Variants in PKP1 observed in about 807,000 individuals in gnomAD.
The protein encoded by PKP1 is plakophilin-1.
Under a neutral mutation model 76.4 loss-of-function variants are expected in PKP1, and 27 were observed. The observed-to-expected ratio is 0.35, with a 90% CI of 0.26 to 0.49. The LOEUF (loss-of-function observed/expected upper bound fraction) is 0.49, where lower values mean the gene tolerates loss of function less well. Among genes scored for constraint, PKP1 ranks in the 20% least tolerant of loss-of-function variants. The probability of loss-of-function intolerance (pLI) is 0.99; values close to 1 mark genes in which losing one functional copy is unlikely to be tolerated. For synonymous variants in PKP1, 404 were observed against 384.2 expected, an observed-to-expected ratio of 1.05 and a Z score of -0.60; for missense variants, 964 against 955.2, an observed-to-expected ratio of 1.01 and a Z score of -0.12.
chr1:201,317,611 C>A lies in PKP1; in HGVS notation c.886C>A (p.Leu296Ile). The A allele has an allele frequency of 6.2e-7, 1 of 1,614,072 alleles. No individual in the cohort carries two copies. ...LGGICKLVDL[L>I]RSPNQNVQQA... Reference sequence around the variant, plus strand: ...AGGCATCTGCAAGCTGGTGGACCTCCTCCGCAGCCCCAACCAGAACGTCCA... The same window carrying A: ...AGGCATCTGCAAGCTGGTGGACCTCATCCGCAGCCCCAACCAGAACGTCCA... The change falls in exon 5 of 14, where the codon CTC (leucine) becomes ATC (isoleucine). Residue 296 changes from leucine (L) to isoleucine (I), a missense_variant. Transcript: ENST00000367324.
In PKP1 at chr1:201,325,833, A is replaced by C. The variant is rs1013057934; in HGVS notation, c.2101A>C (p.Arg701=). 1.1e-5 allele frequency: 17 copies of C among 1,611,688 alleles called. No homozygotes were observed. The highest frequency in any genetic ancestry group is 1.4e-5 in the Non-Finnish European group (17 of 1,177,996). ...WSSKELQGVL[R]QQGFDRNMLG... is the part of the protein sequence containing the mutation. ...CAGCAAGGAACTGCAGGGTGTCCTCAGACAGGTAAGAGCCCAGGACATCAT... is the reference window on the plus strand; with the variant it reads ...CAGCAAGGAACTGCAGGGTGTCCTCCGACAGGTAAGAGCCCAGGACATCAT... Residue 701 remains arginine, a synonymous_variant, in exon 12 of 14, where the codon AGA becomes CGA. Transcript: ENST00000367324.
chr1:201,316,291 T>A lies in PKP1; in HGVS notation c.702-262T>A, dbSNP rs892897631. 4 of 487,330 alleles carry A rather than the reference T, an allele frequency of 8.2e-6. No homozygotes were observed. The East Asian group carries it at 1.4e-4, about 16-fold the overall frequency. 30.2% of individuals were successfully genotyped at this position (487,330 alleles called of 1,614,324 possible). On this transcript the variant is annotated intron_variant, in intron 3 of 13. Transcript: ENST00000367324. ...GAGGAGTTTTTCCTCAGTGGAGAGA[T>A]AACATACCTGCTAGGACATTAACTG...
chr1:201,312,409 C>T (rs1420231023), intron 2 of PKP1, among the ~76,000 whole-genome samples: 4 of 152,146 alleles, frequency 2.6e-5, no homozygotes, highest in Non-Finnish European at 5.9e-5. Context: ...AGACTCAAGT[C>T]CAGGTTTTGT....
chr1:201,307,209 C>G (rs1656396683), intron 2 of PKP1, among the ~76,000 whole-genome samples: 1 of 152,146 alleles, frequency 6.6e-6, no homozygotes. Flanking sequence ...GAGGCACACC[C>G]ACCACACTTC....
intron 2 of PKP1, among the ~76,000 whole-genome samples, chr1:201,294,450 AG>A (rs1558183739): frequency 6.6e-6 from 1 of 152,196 alleles, no homozygotes. Context: ...CAAAGAGCCA[AG>A]AGAACATGTC....
intron 2 of PKP1, among the ~76,000 whole-genome samples, 168 bp downstream of exon 2, chr1:201,294,213 T>C (rs944869661): frequency 1.3e-5 from 2 of 152,254 alleles, no homozygotes; most frequent in South Asian, 4.1e-4. Flanking sequence ...CATTGTTTCA[T>C]AGGTGGCTCT....
intron 2 of PKP1, among the ~76,000 whole-genome samples, chr1:201,303,756 T>A (rs1156719388): frequency 6.6e-6 from 1 of 152,210 alleles, no homozygotes; most frequent in Admixed American, 6.5e-5. Context: ...ATGTTAGATA[T>A]TGCTGTGTCC....
chr1:201,320,507 G>A, intron 7 of PKP1, 126 bp downstream of exon 7: 2 of 722,016 alleles, frequency 2.8e-6, no homozygotes, highest in South Asian at 1.5e-5. Flanking sequence ...AGAGGCATCT[G>A]GATGCAGGGC....
chr1:201,292,098 T>C (rs1200919604), intron 1 of PKP1, among the ~76,000 whole-genome samples: 2 of 151,748 alleles, frequency 1.3e-5, no homozygotes, highest in East Asian at 1.9e-4. Context: ...AGGCCTGGAG[T>C]ATAGGGGAGG....
chr1:201,309,244 T>C (rs1382619606), intron 2 of PKP1, among the ~76,000 whole-genome samples: 1 of 151,674 alleles, frequency 6.6e-6, no homozygotes, highest in East Asian at 1.9e-4. Context: ...AGAGGGGAGC[T>C]TTCAGTGTGG....
chr1:201,325,770 G>A lies in PKP1; in HGVS notation c.2038G>A (p.Ala680Thr), dbSNP rs553668177. Residue 680 changes from alanine to threonine, a missense_variant, in exon 12 of 14, where the codon GCA (alanine) becomes ACA (threonine). By Grantham distance (58) the Ala-to-Thr change is moderately conservative. Coordinates refer to ENST00000367324, the MANE Select transcript of PKP1 (RefSeq NM_001005337.3). ...CCTGCCCAGTGCCTCACCCAAGGCC[G>A]CAGAAGCTGCCCGGCTTCTCCTGTC... is the stretch of plus-strand genomic sequence containing the variant. ...LCRSSASPKA[A>T]EAARLLLSDM... 8.4e-5 allele frequency: 135 copies of A among 1,613,848 alleles called. 1 individual carries two copies. In the South Asian group the frequency reaches 1.2e-3, roughly 15 times the overall value.
chr1:201,324,619 A>C (rs1343063842), intron 10 of PKP1, 38 bp downstream of exon 10: 1 of 1,609,906 alleles, frequency 6.2e-7, no homozygotes, highest in Non-Finnish European at 8.5e-7. Flanking sequence ...TAGCTAAGAC[A>C]TGGCAGGCTC....
In PKP1 at chr1:201,316,849, A is replaced by G. The variant is rs1041110128; in HGVS notation, c.846+152A>G. The G allele has an allele frequency of 6.3e-6, 5 of 789,036 alleles. No individual in the cohort carries two copies. The African/African-American group carries it at 6.8e-5, about 11-fold the overall frequency. 48.9% of individuals were successfully genotyped at this position (789,036 alleles called of 1,614,324 possible). On this transcript the variant is annotated intron_variant, in intron 4 of 13. Coordinates refer to ENST00000367324, the MANE Select transcript of PKP1 (RefSeq NM_001005337.3). ...GAGCCTTCGCATTGCCCAAGGTTAGAGCTGGGCATCTTAACTTTCTGCAGA... is the reference window on the plus strand; with the variant it reads ...GAGCCTTCGCATTGCCCAAGGTTAGGGCTGGGCATCTTAACTTTCTGCAGA...
At chr1:201,285,654 A>T (rs1655710421) in intron 1 of PKP1, among the ~76,000 whole-genome samples, 1 of 152,050 alleles carries the variant, frequency 6.6e-6, no homozygotes, top group African/African-American at 2.4e-5. Flanking sequence ...CTCCCACTCC[A>T]TCCCAGCCTG....
At chr1:201,291,933 G>A (rs1655926156) in intron 1 of PKP1, among the ~76,000 whole-genome samples, 2 of 152,218 alleles carry the variant, frequency 1.3e-5, no homozygotes, top group Admixed American at 1.3e-4. Flanking sequence ...TCCTGATAAG[G>A]ACAGTCTTGC....
chr1:201,320,367 C>T lies in PKP1; in HGVS notation c.1333C>T (p.Arg445Cys), dbSNP rs74136386. Residue 445 changes from arginine (R) to cysteine (C), a missense_variant, in exon 7 of 14, where the codon CGC becomes TGC. Coordinates refer to ENST00000367324, the MANE Select transcript of PKP1 (RefSeq NM_001005337.3). The part of the protein sequence containing the change: ...AYVQNCVAAS[R>C]CDDKSVENCM... ...TGTCCAGAACTGTGTAGCGGCCAGCCGCTGTGACGACAAGGTGAGTGCATC... is the reference window on the plus strand; with the variant it reads ...TGTCCAGAACTGTGTAGCGGCCAGCTGCTGTGACGACAAGGTGAGTGCATC... 2.8e-4 allele frequency: 456 copies of T among 1,611,594 alleles called. 2 individuals carry two copies. In the African/African-American group the frequency reaches 5.1e-3, roughly 18 times the overall value.
intron 2 of PKP1, among the ~76,000 whole-genome samples, chr1:201,300,707 G>C (rs953683851): frequency 6.6e-6 from 1 of 152,222 alleles, no homozygotes; most frequent in Non-Finnish European, 1.5e-5. Flanking sequence ...CTCTTTTGGG[G>C]AGAGAAGTCA....
chr1:201,317,544 A>C, intron 4 of PKP1, 28 bp from the exon 5 acceptor site: 4 of 1,592,272 alleles, frequency 2.5e-6, no homozygotes, highest in Non-Finnish European at 3.4e-6. Flanking sequence ...TCCCTTGACC[A>C]GGCAGCGTGG....
intron 2 of PKP1, among the ~76,000 whole-genome samples, chr1:201,295,848 G>A (rs1428221994): frequency 6.6e-6 from 1 of 150,508 alleles, no homozygotes. Context: ...TTGTAACCAA[G>A]AACTGTAAAG....
Sources: gnomAD v4.1 joint callset for allele counts (sites outside exome capture counted in the v4.1 genomes callset) on GRCh38, gnomAD v4.1.1 for gene constraint, MANE v1.5 for transcripts, NCBI Gene and HGNC (gene_info 2026-07-23, HGNC 2026-07-21) for gene names.